Variants in FBXL18 observed in about 807,000 individuals in gnomAD.
FBXL18 encodes F-box and leucine rich repeat protein 18, also known as F-box/LRR-repeat protein 18.
A neutral mutation model predicts 46.0 loss-of-function variants in FBXL18; 36 were observed. That is an observed-to-expected ratio of 0.78 (90% confidence interval 0.60 to 1.03). The LOEUF is 1.03. FBXL18 is among the 50% of genes least tolerant of loss of function. The pLI, the probability that FBXL18 is intolerant of heterozygous loss-of-function variation, is 0.00. For synonymous variants in FBXL18, 557 were observed against 465.3 expected, an observed-to-expected ratio of 1.20 and a Z score of -2.54; for missense variants, 977 against 1,004.1, an observed-to-expected ratio of 0.97 and a Z score of 0.36.
Position 5,491,410 on chromosome 7 carries a change from G to C in FBXL18, c.1821C>G (p.Phe607Leu). 1 of 1,602,436 alleles carries C rather than the reference G, an allele frequency of 6.2e-7. No individual in the cohort carries two copies. The highest frequency in any genetic ancestry group is 8.5e-7 in the Non-Finnish European group (1 of 1,175,934). Residue 607 changes from phenylalanine (F) to leucine (L), a missense_variant, in exon 4 of 5, where the codon TTC becomes TTG. Coordinates refer to ENST00000382368, the MANE Select transcript of FBXL18 (RefSeq NM_024963.6). The part of the protein sequence containing the change: ...QPYFSANAQF[F>L]QALSQCPSLQ... ...GCGAGGGGCACTGGCTCAGCGCCTG[G>C]AAGAACTGGGCGTTGGCGCTGAAGT...
chr7:5,470,615 C>A (rs1783411432), intron 4 of FBXL18, among the ~76,000 whole-genome samples: 1 of 152,162 alleles, frequency 6.6e-6, no homozygotes, highest in African/African-American at 2.4e-5. Context: ...CAAGACACAA[C>A]ACACAAAAGG....
chr7:5,512,791 G>T (rs1015934746), intron 1 of FBXL18, among the ~76,000 whole-genome samples: 1 of 152,064 alleles, frequency 6.6e-6, no homozygotes, highest in Non-Finnish European at 1.5e-5. Flanking sequence ...AGCCACTGGG[G>T]TCATTTCTAG....
In FBXL18 at chr7:5,500,571, G is replaced by A. The variant is rs1043662210; in HGVS notation, c.1698C>T (p.Ala566=). 1.2e-6 allele frequency: 2 copies of A among 1,613,464 alleles called. No individual in the cohort carries two copies. The highest frequency in any genetic ancestry group is 1.7e-5 in the Admixed American group (1 of 59,998). Residue 566 remains alanine, a synonymous_variant, in exon 3 of 5, where the codon GCC becomes GCT. Coordinates refer to ENST00000382368, the MANE Select transcript of FBXL18 (RefSeq NM_024963.6). ...CCACCTTCCCCATCATGCCCAGGTTGGCCAGCGACAGGGACCGCAACTGCT... is the reference window on the plus strand; with the variant it reads ...CCACCTTCCCCATCATGCCCAGGTTAGCCAGCGACAGGGACCGCAACTGCT... ...QCQQLRSLSL[A]NLGMMGKVVY...
Position 5,501,348 on chromosome 7 carries a change from G to C in FBXL18, c.921C>G (p.Leu307=). The change falls in exon 3 of 5, where the codon CTC becomes CTG. Residue 307 remains leucine (L), a synonymous_variant. Coordinates refer to ENST00000382368, the MANE Select transcript of FBXL18 (RefSeq NM_024963.6). ...LPKSWLNGSS[L]LQHMKFNNPF... ...GGTTGTTGAATTTCATGTGCTGCAG[G>C]AGGGAAGAGCCGTTCAGCCAGGACT... 6.2e-7 allele frequency: 1 copy of C among 1,614,172 alleles called. No homozygotes were observed. Among genetic ancestry groups the C allele is most frequent in the African/African-American group, 1.3e-5 (1 of 75,060 alleles).
At chr7:5,506,344 G>A (rs1310234072) in intron 1 of FBXL18, among the ~76,000 whole-genome samples, 2 of 151,842 alleles carry the variant, frequency 1.3e-5, no homozygotes, top group African/African-American at 2.4e-5. Flanking sequence ...CGCCTCCCGG[G>A]TTGAAGCAGT....
intron 4 of FBXL18, chr7:5,489,214 G>A (rs775498621): frequency 1.9e-6 from 1 of 517,038 alleles, no homozygotes; most frequent in Non-Finnish European, 3.9e-6. Context: ...ACTGACACAA[G>A]AGGACTCCAC....
At chr7:5,510,456 G>A (rs1784502975) in intron 1 of FBXL18, among the ~76,000 whole-genome samples, 1 of 151,806 alleles carries the variant, frequency 6.6e-6, no homozygotes, top group African/African-American at 2.4e-5. Context: ...GGCCAAAGCA[G>A]GCAGATCACG....
chr7:5,483,547 C>T (rs932274732), intron 4 of FBXL18, among the ~76,000 whole-genome samples: 1 of 151,876 alleles, frequency 6.6e-6, no homozygotes, highest in African/African-American at 2.4e-5. Context: ...GAGTTCGAGA[C>T]CAGCCTGACC....
chr7:5,499,608 G>C (rs1031128249), intron 3 of FBXL18, among the ~76,000 whole-genome samples: 8 of 152,062 alleles, frequency 5.3e-5, no homozygotes, highest in Non-Finnish European at 8.8e-5. Flanking sequence ...GTGCACACCT[G>C]TAGTCCCAGC....
At chr7:5,512,119 C>A (rs938760528) in intron 1 of FBXL18, among the ~76,000 whole-genome samples, 15 of 150,174 alleles carry the variant, frequency 1.0e-4, no homozygotes, top group African/African-American at 3.4e-4. Context: ...GTGGCGGGCG[C>A]CCGTAGTCCC....
At chr7:5,500,191 T>C (rs540468586) in intron 3 of FBXL18, among the ~76,000 whole-genome samples, 30 of 151,286 alleles carry the variant, frequency 2.0e-4, no homozygotes, top group Non-Finnish European at 1.5e-5. Context: ...GTGGCAACAA[T>C]GATGCACCTG....
chr7:5,509,010 T>C (rs1007568896), intron 1 of FBXL18, among the ~76,000 whole-genome samples: 4 of 151,914 alleles, frequency 2.6e-5, no homozygotes, highest in Non-Finnish European at 5.9e-5. Context: ...CTCGGCAACA[T>C]GATGAAACCC....
intron 4 of FBXL18, among the ~76,000 whole-genome samples, chr7:5,490,979 G>T (rs553235275): frequency 9.9e-4 from 151 of 152,278 alleles, no homozygotes; most frequent in African/African-American, 2.6e-3. Flanking sequence ...ATAATAATAA[G>T]AAGAAGACTT....
intron 4 of FBXL18, among the ~76,000 whole-genome samples, chr7:5,465,590 T>C (rs1298002761): frequency 3.3e-5 from 5 of 151,334 alleles, no homozygotes; most frequent in Non-Finnish European, 7.4e-5. Flanking sequence ...TCCTCCCACC[T>C]CACACCACTG....
rs138208570 is a variant in FBXL18, at chr7:5,462,950, C to CAAAAAAAAAAAAAAAAAA, written c.2001-15125_2001-15108dup. On this transcript the variant is annotated intron_variant and NMD_transcript_variant, in intron 4 of 6. Transcript: ENST00000415009. ...TGGGCGACAGAGTGAGACTTGGTCT[C>CAAAAAAAAAAAAAAAAAA]AAAAAAAAAAAAAAAAAAAATATAT... is the stretch of plus-strand genomic sequence containing the variant. 3.1e-4 allele frequency among the ~76,000 whole-genome samples: 7 copies of CAAAAAAAAAAAAAAAAAA among 22,378 alleles called. 1 individual carries two copies. The highest frequency in any genetic ancestry group is 5.6e-4 in the Non-Finnish European group (6 of 10,668). The allele number at this position is 22,378 out of a possible 152,430, so 14.7% of individuals were successfully genotyped here.
chr7:5,495,598 T>C (rs1458552982), intron 3 of FBXL18, among the ~76,000 whole-genome samples: 2 of 152,196 alleles, frequency 1.3e-5, no homozygotes, highest in African/African-American at 4.8e-5. Context: ...GTGTGGGGGC[T>C]GCCAGTGGCA....
At chr7:5,457,956 A>G (rs1783194787) in intron 4 of FBXL18, among the ~76,000 whole-genome samples, 1 of 152,206 alleles carries the variant, frequency 6.6e-6, no homozygotes, top group African/African-American at 2.4e-5. Flanking sequence ...CCTCACTCAC[A>G]CAGCCCAGCT....
downstream of FBXL18, among the ~76,000 whole-genome samples, chr7:5,474,645 T>C (rs10951954): frequency 0.42 from 61,817 of 147,930 alleles, 13,313 homozygotes; most frequent in South Asian, 0.53. Flanking sequence ...TACTTTTTTT[T>C]CTTCAAAAAA....
chr7:5,493,676 CGTGCGTGCGT>C (rs1335347946), intron 3 of FBXL18, among the ~76,000 whole-genome samples: 5 of 133,842 alleles, frequency 3.7e-5, no homozygotes, highest in East Asian at 2.2e-4. Flanking sequence ...TGCGTGCGTG[CGTGCGTGCGT>C]GTGTGTGTGT....
Sources: allele counts gnomAD v4.1 joint callset (sites outside exome capture counted in the v4.1 genomes callset), GRCh38; gene constraint gnomAD v4.1.1; transcripts MANE v1.5; gene names NCBI Gene and HGNC (gene_info 2026-07-23, HGNC 2026-07-21).